TENT5D: variants seen among roughly 807,000 people sequenced by gnomAD.
TENT5D encodes the protein cancer/testis antigen 112.
For missense variants in TENT5D, 191 were observed against 287.0 expected, an observed-to-expected ratio of 0.67 and a Z score of 2.42; for synonymous variants, 103 against 100.6, an observed-to-expected ratio of 1.02 and a Z score of -0.15.
chrX:80,407,724 T>C (rs1931534644), intron 3 of TENT5D, among the ~76,000 whole-genome samples: 1 of 108,491 alleles, frequency 9.2e-6, no homozygotes, highest in South Asian at 4.1e-4. Flanking sequence ...TACCCAGGAA[T>C]TGAACTCAGC....
chrX:80,405,871 C>T (rs1411698752), intron 3 of TENT5D, among the ~76,000 whole-genome samples: 1 of 111,314 alleles, frequency 9.0e-6, no homozygotes, highest in Non-Finnish European at 1.9e-5. Flanking sequence ...TTGAAGAGAG[C>T]AGTGGTTCTC....
intron 3 of TENT5D, among the ~76,000 whole-genome samples, chrX:80,390,625 G>A (rs1931105389): frequency 9.0e-6 from 1 of 111,539 alleles, no homozygotes; most frequent in South Asian, 3.8e-4. Flanking sequence ...TAGATCTAAT[G>A]GGAACATAGG....
At chrX:80,382,316 C>G (rs939518422) in intron 3 of TENT5D, among the ~76,000 whole-genome samples, 1 of 111,779 alleles carries the variant, frequency 8.9e-6, no homozygotes, top group Non-Finnish European at 1.9e-5. Flanking sequence ...TGCAGAACAG[C>G]AAATATTGCT....
chrX:80,373,648 T>C (rs1374730004), intron 3 of TENT5D, among the ~76,000 whole-genome samples: 4 of 111,053 alleles, frequency 3.6e-5, no homozygotes, highest in African/African-American at 1.3e-4. Flanking sequence ...TTCCTCTTGG[T>C]TAATCCTTCT....
intron 1 of TENT5D, among the ~76,000 whole-genome samples, chrX:80,435,981 G>A (rs1341640123): frequency 8.9e-6 from 1 of 111,748 alleles, no homozygotes; most frequent in Non-Finnish European, 1.9e-5. Flanking sequence ...CTGCCTTAAG[G>A]TGTTGCAACT....
chrX:80,358,366 G>A (rs973141944), intron 3 of TENT5D, among the ~76,000 whole-genome samples: 5 of 111,593 alleles, frequency 4.5e-5, no homozygotes, highest in Non-Finnish European at 9.4e-5. Context: ...ACTACCATCA[G>A]AGTGAACAGG....
chrX:80,362,525 A>G (rs1361287909), intron 3 of TENT5D, among the ~76,000 whole-genome samples: 1 of 112,027 alleles, frequency 8.9e-6, no homozygotes, highest in Non-Finnish European at 1.9e-5. Flanking sequence ...GTAAATACTT[A>G]GTTCTCTTCT....
At chrX:80,374,159 G>A (rs1184155714) in intron 3 of TENT5D, among the ~76,000 whole-genome samples, 1 of 111,454 alleles carries the variant, frequency 9.0e-6, no homozygotes, top group Non-Finnish European at 1.9e-5. Context: ...CCATGTACCT[G>A]CAAAGGACAT....
chrX:80,396,142 C>T (rs1324662230), intron 3 of TENT5D, among the ~76,000 whole-genome samples: 1 of 110,775 alleles, frequency 9.0e-6, no homozygotes. Flanking sequence ...TGAATAGTAC[C>T]ACTGGGAACA....
chrX:80,350,994 G>T (rs776730835), intron 3 of TENT5D, among the ~76,000 whole-genome samples: 1 of 111,803 alleles, frequency 8.9e-6, no homozygotes, highest in African/African-American at 3.3e-5. Flanking sequence ...AGTTTGTAGC[G>T]TTTCTGCAGA....
intron 2 of TENT5D, among the ~76,000 whole-genome samples, chrX:80,342,292 A>G (rs1183141909): frequency 9.0e-6 from 1 of 111,290 alleles, no homozygotes; most frequent in Non-Finnish European, 1.9e-5. Context: ...ACACGTCTCA[A>G]ATTCCATATT....
chrX:80,350,688 A>G (rs1045019576), intron 3 of TENT5D, among the ~76,000 whole-genome samples: 6 of 111,652 alleles, frequency 5.4e-5, no homozygotes, highest in Admixed American at 9.5e-5. Flanking sequence ...CGATCCTGTC[A>G]TCATGATGCT....
chrX:80,399,449 T>G (rs1931350278), intron 3 of TENT5D, among the ~76,000 whole-genome samples: 1 of 112,029 alleles, frequency 8.9e-6, no homozygotes, highest in Admixed American at 9.5e-5. Context: ...TAGGCTTTCT[T>G]TTTTTCCCAT....
intron 2 of TENT5D, among the ~76,000 whole-genome samples, chrX:80,341,663 C>A (rs1267073295): frequency 9.0e-6 from 1 of 111,039 alleles, no homozygotes; most frequent in Non-Finnish European, 1.9e-5. Flanking sequence ...ATTGTAAAAA[C>A]CATTGTTTGT....
At chrX:80,380,393 T>C (rs1930837056) in intron 3 of TENT5D, among the ~76,000 whole-genome samples, 1 of 111,191 alleles carries the variant, frequency 9.0e-6, no homozygotes, top group South Asian at 3.8e-4. Context: ...GTGGTCAGTT[T>C]TGGAATAAGT....
At chrX:80,359,800 C>G in intron 3 of TENT5D, among the ~76,000 whole-genome samples, 1 of 111,298 alleles carries the variant, frequency 9.0e-6, no homozygotes. Flanking sequence ...AAATTAATAC[C>G]TGTTTCCACT....
At chrX:80,360,833 A>C (rs1015439277) in intron 3 of TENT5D, among the ~76,000 whole-genome samples, 1 of 112,108 alleles carries the variant, frequency 8.9e-6, no homozygotes, top group Non-Finnish European at 1.9e-5. Context: ...CAAGTCAAGC[A>C]AATTAGTTTT....
intron 1 of TENT5D, among the ~76,000 whole-genome samples, chrX:80,423,281 T>C (rs1931923773): frequency 8.9e-6 from 1 of 112,086 alleles, no homozygotes; most frequent in African/African-American, 3.2e-5. Context: ...GCAAAATATG[T>C]AGCAGTATTT....
chrX:80,379,903 A>C, intron 3 of TENT5D, among the ~76,000 whole-genome samples: 1 of 108,536 alleles, frequency 9.2e-6, no homozygotes, highest in Non-Finnish European at 1.9e-5. Flanking sequence ...CTTTTCAAAA[A>C]ACCGGCTCCT....
Sources: allele counts gnomAD v4.1 joint callset (sites outside exome capture counted in the v4.1 genomes callset), GRCh38; gene constraint gnomAD v4.1.1; transcripts MANE v1.5; gene names NCBI Gene and HGNC (gene_info 2026-07-23, HGNC 2026-07-21).